UACA: variants seen among roughly 807,000 people sequenced by gnomAD.
UACA encodes the protein nuclear membrane binding protein.
UACA carries 112 observed loss-of-function variants against 160.5 expected under a neutral mutation model. The observed-to-expected ratio is 0.70, with a 90% confidence interval of 0.60 to 0.82. UACA has a LOEUF of 0.82. Ranked by LOEUF, UACA falls within the 40% of genes least tolerant of loss-of-function variation. UACA has a pLI of 0.00. For synonymous variants in UACA, 557 were observed against 568.4 expected (o/e 0.98, Z 0.29); for missense variants, 1,574 against 1,614.6 (o/e 0.97, Z 0.43).
chr15:70,658,450 G>A (rs187748496), intron 18 of UACA, among the ~76,000 whole-genome samples: 86 of 152,266 alleles, frequency 5.6e-4, no homozygotes, highest in African/African-American at 2.0e-3. Flanking sequence ...TCAATGGAGT[G>A]AAAATGCCCA....
intron 2 of UACA, among the ~76,000 whole-genome samples, chr15:70,696,581 C>T (rs1023134360): frequency 2.0e-5 from 3 of 152,026 alleles, no homozygotes; most frequent in Non-Finnish European, 1.5e-5. Flanking sequence ...GTGTACAATC[C>T]GAATTAGAAA....
In UACA at chr15:70,666,735, T is replaced by C. The variant is rs576748008; in HGVS notation, c.3949A>G (p.Lys1317Glu). Reference sequence around the variant, plus strand: ...TACTTTGTACCTACCTTATTATCTTTTGCTTCTATTTGTTTAGCAGATTCT... The same window carrying C: ...TACTTTGTACCTACCTTATTATCTTCTGCTTCTATTTGTTTAGCAGATTCT... ...IQESAKQIEA[K>E]DNKITELLND... The change falls in exon 16 of 19, where the codon AAA becomes GAA. Residue 1317 changes from lysine to glutamate, a missense_variant. Lys to Glu is a moderately conservative substitution (Grantham distance 56). Transcript: ENST00000322954. 16 of 1,604,436 alleles carry C rather than the reference T, an allele frequency of 1.0e-5. No homozygotes were observed. In the South Asian group the frequency reaches 1.2e-4, roughly 12 times the overall value.
At chr15:70,687,381 A>G (rs142917321) in intron 7 of UACA, among the ~76,000 whole-genome samples, 159 bp downstream of exon 7, 87 of 152,282 alleles carry the variant, frequency 5.7e-4, no homozygotes, top group African/African-American at 2.0e-3. Flanking sequence ...TCTGAAGAAA[A>G]CTGACAAGTA....
chr15:70,704,914 T>C (rs2140973527), intron 1 of UACA, among the ~76,000 whole-genome samples: 1 of 152,136 alleles, frequency 6.6e-6, no homozygotes. Flanking sequence ...ATTTATAGAT[T>C]AAAAAGGGAA....
intron 11 of UACA, 122 bp downstream of exon 11, chr15:70,677,977 C>A: frequency 1.6e-6 from 1 of 641,906 alleles, no homozygotes; most frequent in Admixed American, 3.4e-5. Context: ...ATCCTGGTCC[C>A]CAGTAAGATT....
intron 15 of UACA, among the ~76,000 whole-genome samples, chr15:70,670,235 A>G (rs553611216): frequency 5.3e-5 from 8 of 152,270 alleles, no homozygotes; most frequent in African/African-American, 1.9e-4. Flanking sequence ...TTGACTGGTA[A>G]AGGAAAATAG....
chr15:70,680,183 T>TA (rs1173785166), intron 9 of UACA: 1 of 152,216 alleles, frequency 6.6e-6, no homozygotes, highest in African/African-American at 2.4e-5. Flanking sequence ...CTGAGCAATA[T>TA]AAAAAGGTCT....
At chr15:70,775,622 TTC>T in the UACA span, among the ~76,000 whole-genome samples, 1 of 152,226 alleles carries the variant, frequency 6.6e-6, no homozygotes, top group African/African-American at 2.4e-5. Context: ...TGCTTGTGTT[TTC>T]TCTCTTTTTT....
chr15:70,693,129 G>C (rs1004806114), intron 3 of UACA, among the ~76,000 whole-genome samples: 2 of 152,216 alleles, frequency 1.3e-5, no homozygotes, highest in Non-Finnish European at 1.5e-5. Context: ...TAAAGTAAGA[G>C]ATAGCATGGA....
rs71152307 is a variant in UACA, at chr15:70,659,395, G to GTTTTTTTTTTTTTT, written c.4179+742_4179+755dup. On this transcript the variant is annotated intron_variant, in intron 18 of 18. Coordinates refer to ENST00000322954, the MANE Select transcript of UACA (RefSeq NM_018003.4). ...TCTTTCCCTTCTTCATTTTTTGTTT[G>GTTTTTTTTTTTTTT]TTTTTTTTTTTTTTTTTTTTTTTTT... is the stretch of plus-strand genomic sequence containing the variant. Among the ~76,000 whole-genome samples, 174 of 18,842 alleles carry GTTTTTTTTTTTTTT rather than the reference G, an allele frequency of 9.2e-3. 70 individuals are homozygous for GTTTTTTTTTTTTTT. Among genetic ancestry groups the GTTTTTTTTTTTTTT allele is most frequent in the East Asian group, 0.032 (14 of 436 alleles). The allele number at this position is 18,842 out of a possible 152,430, so 12.4% of individuals were successfully genotyped here. A position where few individuals can be genotyped will look rare whatever the true frequency, so the allele number is the denominator to read the frequency against.
At chr15:70,711,850 G>A (rs1025236840) in intron 1 of UACA, among the ~76,000 whole-genome samples, 1 of 152,074 alleles carries the variant, frequency 6.6e-6, no homozygotes, top group Admixed American at 6.5e-5. Context: ...GTTCTATAGA[G>A]ATGACTAACC....
In UACA at chr15:70,671,044, A is replaced by G; in HGVS notation, c.1216T>C (p.Ser406Pro). 6.5e-7 allele frequency: 1 copy of G among 1,543,402 alleles called. No individual in the cohort carries two copies. The highest frequency in any genetic ancestry group is 1.3e-5 in the South Asian group (1 of 77,380). Reference sequence around the variant, plus strand: ...AAAAAAAAAACAGTTATTACCTGTGAGTCTGCCATATACATCTGACCTTGT... The same window carrying G: ...AAAAAAAAAACAGTTATTACCTGTGGGTCTGCCATATACATCTGACCTTGT... ...LKQGQMYMAD[S>P]QCTSPGIPAH... is the part of the protein sequence containing the mutation. The change falls in exon 15 of 19, where the codon TCA becomes CCA. Residue 406 changes from serine (S) to proline (P), a missense_variant. Ser to Pro is a moderately conservative substitution (Grantham distance 74, BLOSUM62 -1). Coordinates refer to ENST00000322954, the MANE Select transcript of UACA (RefSeq NM_018003.4).
At position 70,668,677 on chromosome 15, in the gene UACA, T is replaced by C. The variant is rs374297683; in HGVS notation, c.2007A>G (p.Arg669=). The change falls in exon 16 of 19, where the codon AGA becomes AGG. Residue 669 remains arginine, a synonymous_variant. Coordinates refer to ENST00000322954, the MANE Select transcript of UACA (RefSeq NM_018003.4). The part of the protein sequence containing the change: ...KSLSEIRQLK[R]ELENVKAKLA... ...GCTTGGCCTTAACATTCTCAAGTTC[T>C]CTCTTTAACTGTCTAATTTCACTAA... is the stretch of plus-strand genomic sequence containing the variant. The C allele has an allele frequency of 6.2e-6, 10 of 1,613,972 alleles. No homozygotes were observed. Among genetic ancestry groups the C allele is most frequent in the African/African-American group, 2.7e-5 (2 of 74,930 alleles).
chr15:70,754,751 CTGTT>C (rs1410435061), intron 1 of UACA, among the ~76,000 whole-genome samples: 2 of 152,196 alleles, frequency 1.3e-5, no homozygotes, highest in African/African-American at 2.4e-5. Context: ...ACAGACAAAA[CTGTT>C]TGTGTGACTA....
At chr15:70,665,066 A>C (rs1896856292) in intron 16 of UACA, 1 of 293,224 alleles carries the variant, frequency 3.4e-6, no homozygotes, top group Non-Finnish European at 6.3e-6. Flanking sequence ...CTAAGATGTG[A>C]GTATAAACAT....
chr15:70,750,516 T>G (rs2029980959), intron 1 of UACA, among the ~76,000 whole-genome samples: 1 of 152,180 alleles, frequency 6.6e-6, no homozygotes, highest in African/African-American at 2.4e-5. Flanking sequence ...TGTTGTTAAC[T>G]CTGAAAGAAA....
At chr15:70,673,682 C>T (rs1419574887) in intron 13 of UACA, among the ~76,000 whole-genome samples, 1 of 152,158 alleles carries the variant, frequency 6.6e-6, no homozygotes, top group Non-Finnish European at 1.5e-5. Context: ...CAGTCTCATT[C>T]TAAAATATCC....
At chr15:70,707,687 T>TA (rs939519070) in intron 1 of UACA, among the ~76,000 whole-genome samples, 17 of 150,038 alleles carry the variant, frequency 1.1e-4, no homozygotes, top group South Asian at 6.3e-4. Context: ...CACTAATCAT[T>TA]AAAAAAAAAG....
chr15:70,703,938 T>C (rs1898451973), intron 1 of UACA, among the ~76,000 whole-genome samples: 1 of 152,164 alleles, frequency 6.6e-6, no homozygotes, highest in South Asian at 2.1e-4. Context: ...CTCAGACCTC[T>C]ACATCTAAAC....
Sources: allele counts gnomAD v4.1 joint callset (sites outside exome capture counted in the v4.1 genomes callset), GRCh38; gene constraint gnomAD v4.1.1; transcripts MANE v1.5; gene names NCBI Gene and HGNC (gene_info 2026-07-23, HGNC 2026-07-21).